MPRIP: variants seen among roughly 807,000 people sequenced by gnomAD.
MPRIP encodes myosin phosphatase Rho interacting protein, also known as myosin phosphatase Rho-interacting protein.
In MPRIP, 59 loss-of-function variants were observed where a neutral mutation model predicts 234.9. The observed-to-expected ratio is 0.25, with a 90% CI of 0.20 to 0.31. MPRIP has a LOEUF of 0.31. Among genes scored for constraint, MPRIP ranks in the 10% least tolerant of loss-of-function variants. The pLI is 1.00. For missense variants in MPRIP, 2,436 were observed against 3,071.0 expected, an observed-to-expected ratio of 0.79 and a Z score of 4.89; for synonymous variants, 1,144 against 1,263.9, an observed-to-expected ratio of 0.91 and a Z score of 2.01.
intron 4 of MPRIP, among the ~76,000 whole-genome samples, chr17:17,128,899 C>T (rs1331178792): frequency 6.6e-6 from 1 of 152,222 alleles, no homozygotes; most frequent in Non-Finnish European, 1.5e-5. Context: ...CATTATAACT[C>T]CTCTTCCCAG....
intron 1 of MPRIP, among the ~76,000 whole-genome samples, chr17:17,051,036 C>A (rs898082225): frequency 2.0e-5 from 3 of 152,208 alleles, no homozygotes; most frequent in African/African-American, 7.2e-5. Context: ...CAGGGTGACC[C>A]AGGAAGGTGA....
At chr17:17,160,265 C>T (rs2045834167) in intron 14 of MPRIP, among the ~76,000 whole-genome samples, 1 of 152,214 alleles carries the variant, frequency 6.6e-6, no homozygotes. Context: ...ACTTGGAAGG[C>T]TGAGGCAGGA....
intron 3 of MPRIP, chr17:17,096,891 G>C: frequency 4.5e-6 from 2 of 444,214 alleles, no homozygotes; most frequent in Admixed American, 2.6e-5. Context: ...ATATGAAAAA[G>C]CATCCTTGTC....
chr17:17,190,357 CTT>C lies in MPRIP; in HGVS notation c.*5464_*5465del, dbSNP rs2046563257. ...CTGCAGCCACCCCTTAGAGGGGGCT[CTT>C]CGTTTTACCTTTGTACAGTTCTTGT... On this transcript the variant is annotated 3_prime_UTR_variant, in exon 24 of 24. Transcript: ENST00000651222. 1 of 152,238 alleles carries C rather than the reference CTT, an allele frequency of 6.6e-6. No homozygotes were observed. Among genetic ancestry groups the C allele is most frequent in the Non-Finnish European group, 1.5e-5 (1 of 68,054 alleles). The allele number at this position is 152,238 out of a possible 1,614,324, so 9.4% of individuals were successfully genotyped here. A position where few individuals can be genotyped will look rare whatever the true frequency, so the allele number is the denominator to read the frequency against.
At chr17:17,115,951 G>A in intron 3 of MPRIP, among the ~76,000 whole-genome samples, 1 of 152,126 alleles carries the variant, frequency 6.6e-6, no homozygotes, top group East Asian at 1.9e-4. Flanking sequence ...TCTGGTCTTT[G>A]CACACGTGTC....
chr17:17,151,457 T>C (rs1450968653), intron 12 of MPRIP, among the ~76,000 whole-genome samples: 1 of 152,196 alleles, frequency 6.6e-6, no homozygotes, highest in Non-Finnish European at 1.5e-5. Flanking sequence ...GAAGCCCACC[T>C]GAGCCCCGGT....
intron 3 of MPRIP, among the ~76,000 whole-genome samples, chr17:17,114,815 G>A (rs2144313598): frequency 6.6e-6 from 1 of 152,206 alleles, no homozygotes; most frequent in Non-Finnish European, 1.5e-5. Context: ...CGGGGGCCCT[G>A]GTATCTCGCT....
intron 1 of MPRIP, among the ~76,000 whole-genome samples, chr17:17,068,048 G>A (rs1799945247): frequency 6.6e-6 from 1 of 151,906 alleles, no homozygotes; most frequent in Non-Finnish European, 1.5e-5. Context: ...TCCCTTTGAT[G>A]TCTGCAGAAT....
At chr17:17,180,478 C>G (rs1308519792) in intron 23 of MPRIP, 1 of 855,154 alleles carries the variant, frequency 1.2e-6, no homozygotes, top group Non-Finnish European at 2.0e-6. Context: ...GTTCCCCAGC[C>G]AGGAAGCAGT....
At chr17:17,074,740 G>C (rs1301531775) in intron 1 of MPRIP, among the ~76,000 whole-genome samples, 1 of 152,128 alleles carries the variant, frequency 6.6e-6, no homozygotes, top group Non-Finnish European at 1.5e-5. Context: ...TGTAATATGT[G>C]GGCTTTTGTG....
chr17:17,075,621 G>T, intron 1 of MPRIP, 89 bp from the exon 2 acceptor site: 1 of 1,126,564 alleles, frequency 8.9e-7, no homozygotes, highest in Non-Finnish European at 1.3e-6. Flanking sequence ...GGCAACATCT[G>T]TTTCCAGCGA....
At chr17:17,183,264 A>T (rs569156134) in intron 23 of MPRIP, 4 of 152,282 alleles carry the variant, frequency 2.6e-5, no homozygotes, top group African/African-American at 7.2e-5. Flanking sequence ...CGCCCAGGCT[A>T]GAGTGCAGTG....
chr17:17,067,438 G>T (rs1477394762), intron 1 of MPRIP, among the ~76,000 whole-genome samples: 1 of 152,208 alleles, frequency 6.6e-6, no homozygotes, highest in Non-Finnish European at 1.5e-5. Context: ...TATACAGCGT[G>T]GATGCGCTGG....
chr17:17,130,379 C>T (rs1185748040), intron 4 of MPRIP, among the ~76,000 whole-genome samples: 1 of 151,664 alleles, frequency 6.6e-6, no homozygotes, highest in Non-Finnish European at 1.5e-5. Context: ...TTCCTGTCCT[C>T]CTCCCCTCCC....
chr17:17,145,890 G>C (rs2045452813), intron 9 of MPRIP, 146 bp from the exon 10 acceptor site: 2 of 754,470 alleles, frequency 2.7e-6, no homozygotes, highest in African/African-American at 1.7e-5. Context: ...ACCCACCAGG[G>C]TGAGGGGGCT....
intron 22 of MPRIP, among the ~76,000 whole-genome samples, 198 bp downstream of exon 22, chr17:17,177,610 G>A (rs1048657791): frequency 6.6e-6 from 1 of 152,236 alleles, no homozygotes; most frequent in African/African-American, 2.4e-5. Flanking sequence ...AGCAGTGGAT[G>A]CTGTGCTGAT....
At chr17:17,145,588 A>G (rs1347828314) in intron 9 of MPRIP, among the ~76,000 whole-genome samples, 1 of 152,138 alleles carries the variant, frequency 6.6e-6, no homozygotes, top group African/African-American at 2.4e-5. Flanking sequence ...CTTCCTCAAC[A>G]CCGCACGTCT....
chr17:17,073,676 G>A (rs1274822525), intron 1 of MPRIP, among the ~76,000 whole-genome samples: 1 of 152,108 alleles, frequency 6.6e-6, no homozygotes, highest in African/African-American at 2.4e-5. Flanking sequence ...GCTTTCCCAT[G>A]CAAGGCCTCT....
At chr17:17,055,698 C>T (rs546569559) in intron 1 of MPRIP, among the ~76,000 whole-genome samples, 31 of 152,324 alleles carry the variant, frequency 2.0e-4, no homozygotes, top group Non-Finnish European at 3.5e-4. Context: ...TCTCCCTTCC[C>T]GCCTGGAAAC....
Sources: gnomAD v4.1 joint callset for allele counts (sites outside exome capture counted in the v4.1 genomes callset) on GRCh38, gnomAD v4.1.1 for gene constraint, MANE v1.5 for transcripts, NCBI Gene and HGNC (gene_info 2026-07-23, HGNC 2026-07-21) for gene names.